The following MAGI2 variants were observed in gnomAD, a reference collection of about 807,000 sequenced individuals.
MAGI2 encodes membrane-associated guanylate kinase, WW and PDZ domain-containing protein 2.
A neutral mutation model predicts 133.3 loss-of-function variants in MAGI2; 35 were observed. That is an observed-to-expected ratio of 0.26 (90% CI 0.20 to 0.35). MAGI2 has a LOEUF of 0.35. MAGI2 is among the 10% of genes least tolerant of loss of function. The pLI is 1.00. For missense variants in MAGI2, 1,636 were observed against 1,863.4 expected, an observed-to-expected ratio of 0.88 and a Z score of 2.25; for synonymous variants, 729 against 710.6, an observed-to-expected ratio of 1.03 and a Z score of -0.41.
intron 10 of MAGI2, among the ~76,000 whole-genome samples, chr7:78,243,277 T>A (rs905693526): frequency 0.019 from 2,497 of 131,500 alleles, 52 homozygotes; most frequent in African/African-American, 0.082. Context: ...ACACTCTCTC[T>A]CTCTCTCTCT....
intron 2 of MAGI2, among the ~76,000 whole-genome samples, chr7:78,723,311 T>G (rs1820438729): frequency 6.6e-6 from 1 of 152,198 alleles, no homozygotes; most frequent in African/African-American, 2.4e-5. Context: ...TTTCTTTCAA[T>G]CAACCATATT....
At chr7:78,215,459 T>G (rs1788176607) in intron 10 of MAGI2, among the ~76,000 whole-genome samples, 1 of 152,122 alleles carries the variant, frequency 6.6e-6, no homozygotes, top group African/African-American at 2.4e-5. Flanking sequence ...GAGTAAGACA[T>G]CAACACCACC....
Position 78,384,227 on chromosome 7 carries a change from A to G in MAGI2, c.1046-15014T>C, listed in dbSNP as rs531269382. On this transcript the variant is annotated intron_variant, in intron 6 of 21. Coordinates refer to ENST00000354212, the MANE Select transcript of MAGI2 (RefSeq NM_012301.4). ...AATGGCATTACCTAACATAGCTTTC[A>G]TAATGTAACATATTTTGTGAGACTT... Among the ~76,000 whole-genome samples, 4 of 152,218 alleles carry G rather than the reference A, an allele frequency of 2.6e-5. No individual in the cohort carries two copies. The East Asian group carries it at 5.8e-4, about 22-fold the overall frequency.
intron 6 of MAGI2, among the ~76,000 whole-genome samples, chr7:78,450,203 T>C (rs544617286): frequency 6.6e-6 from 1 of 152,024 alleles, no homozygotes; most frequent in East Asian, 1.9e-4. Context: ...TGTATTGTGA[T>C]GAACAATACA....
chr7:78,229,530 C>T (rs1051102141), intron 10 of MAGI2, among the ~76,000 whole-genome samples: 4 of 152,126 alleles, frequency 2.6e-5, no homozygotes, highest in South Asian at 2.1e-4. Context: ...GCGAGCTTCA[C>T]GTCAAAAAGG....
intron 6 of MAGI2, among the ~76,000 whole-genome samples, chr7:78,373,487 AT>A (rs1194179035): frequency 6.6e-6 from 1 of 152,092 alleles, no homozygotes; most frequent in East Asian, 1.9e-4. Context: ...TATTTTTGTA[AT>A]TTTTTAGAAG....
chr7:78,692,740 T>A (rs1010075908), intron 2 of MAGI2, among the ~76,000 whole-genome samples: 9 of 152,178 alleles, frequency 5.9e-5, no homozygotes, highest in African/African-American at 2.2e-4. Flanking sequence ...AAACGCATGC[T>A]CTAATCATTG....
At chr7:79,366,726 T>C (rs1390011506) in intron 1 of MAGI2, among the ~76,000 whole-genome samples, 1 of 152,172 alleles carries the variant, frequency 6.6e-6, no homozygotes, top group African/African-American at 2.4e-5. Context: ...TAATTTATAA[T>C]TATCTCAAAA....
intron 1 of MAGI2, among the ~76,000 whole-genome samples, chr7:79,358,403 T>G (rs192241418): frequency 6.6e-6 from 1 of 152,218 alleles, no homozygotes; most frequent in East Asian, 1.9e-4. Context: ...CTAGGTAACT[T>G]AAAGGCCTAT....
chr7:78,995,436 C>T (rs1227126778), intron 2 of MAGI2, among the ~76,000 whole-genome samples: 1 of 151,912 alleles, frequency 6.6e-6, no homozygotes, highest in Non-Finnish European at 1.5e-5. Flanking sequence ...CAATTATGTG[C>T]TAAAGAAAAG....
chr7:79,005,983 C>G (rs1310492051), intron 2 of MAGI2, among the ~76,000 whole-genome samples: 1 of 152,070 alleles, frequency 6.6e-6, no homozygotes, highest in Non-Finnish European at 1.5e-5. Context: ...CTGGCATTGT[C>G]GTTTTGATGA....
intron 1 of MAGI2, among the ~76,000 whole-genome samples, chr7:79,389,378 T>A (rs149569040): frequency 2.0e-5 from 3 of 152,214 alleles, no homozygotes; most frequent in African/African-American, 4.8e-5. Flanking sequence ...TTCTGAGATG[T>A]TAACTAAAAA....
intron 2 of MAGI2, among the ~76,000 whole-genome samples, chr7:78,731,342 A>G (rs1047351516): frequency 1.1e-4 from 17 of 152,136 alleles, no homozygotes; most frequent in Non-Finnish European, 2.2e-4. Flanking sequence ...TTGATCATCA[A>G]AAGCTTTATC....
At chr7:78,833,023 G>A (rs1186122793) in intron 2 of MAGI2, among the ~76,000 whole-genome samples, 1 of 152,070 alleles carries the variant, frequency 6.6e-6, no homozygotes, top group East Asian at 1.9e-4. Flanking sequence ...GCCTCTTTAG[G>A]GTTAAGGCAT....
intron 1 of MAGI2, among the ~76,000 whole-genome samples, chr7:79,296,399 G>A (rs1346552623): frequency 1.3e-5 from 2 of 152,126 alleles, no homozygotes; most frequent in African/African-American, 4.8e-5. Context: ...ATTTATTGTG[G>A]CACTATTCAT....
chr7:78,097,519 T>C (rs149599535), intron 20 of MAGI2, among the ~76,000 whole-genome samples: 1 of 152,116 alleles, frequency 6.6e-6, no homozygotes, highest in African/African-American at 2.4e-5. Flanking sequence ...TGTGGGAACA[T>C]AGATGGAGCT....
intron 20 of MAGI2, among the ~76,000 whole-genome samples, chr7:78,117,363 A>G (rs1350997104): frequency 6.6e-6 from 1 of 152,130 alleles, no homozygotes; most frequent in Non-Finnish European, 1.5e-5. Flanking sequence ...GGAACTCAAG[A>G]GTAATTGAAC....
intron 10 of MAGI2, among the ~76,000 whole-genome samples, chr7:78,214,629 ATAG>A (rs1788089315): frequency 6.6e-6 from 1 of 151,506 alleles, no homozygotes; most frequent in African/African-American, 2.4e-5. Context: ...GATCTGGAAT[ATAG>A]GTAGAACTGA....
At chr7:79,079,658 A>G (rs1815859860) in intron 1 of MAGI2, among the ~76,000 whole-genome samples, 1 of 152,174 alleles carries the variant, frequency 6.6e-6, no homozygotes, top group South Asian at 2.1e-4. Flanking sequence ...ATATCTAGAC[A>G]TGAAACTAGA....
Sources: gnomAD v4.1 joint callset for allele counts (sites outside exome capture counted in the v4.1 genomes callset) on GRCh38, gnomAD v4.1.1 for gene constraint, MANE v1.5 for transcripts, NCBI Gene and HGNC (gene_info 2026-07-23, HGNC 2026-07-21) for gene names.